The following MARK3 variants were observed in gnomAD, a reference collection of about 807,000 sequenced individuals.
MARK3 encodes the protein MAP/microtubule affinity-regulating kinase 3.
MARK3 carries 46 observed loss-of-function variants against 90.1 expected under a neutral mutation model. That is an observed-to-expected ratio of 0.51 (90% confidence interval 0.40 to 0.65). The LOEUF (loss-of-function observed/expected upper bound fraction) is 0.65, where lower values mean the gene tolerates loss of function less well. Ranked by LOEUF, MARK3 falls within the 30% of genes least tolerant of loss-of-function variation. The pLI is 0.00. For synonymous variants in MARK3, 321 were observed against 332.6 expected (o/e 0.97, Z 0.38); for missense variants, 818 against 947.2 (o/e 0.86, Z 1.79).
intron 3 of MARK3, among the ~76,000 whole-genome samples, chr14:103,445,860 A>G (rs1278065857): frequency 2.0e-5 from 3 of 152,140 alleles, no homozygotes; most frequent in Admixed American, 2.0e-4. Flanking sequence ...AACTGTGACA[A>G]CTCTGTAACA....
intron 12 of MARK3, among the ~76,000 whole-genome samples, 164 bp downstream of exon 12, chr14:103,468,350 A>T: frequency 2.8e-5 from 3 of 106,144 alleles, no homozygotes; most frequent in Admixed American, 1.4e-4. Flanking sequence ...TTTGAGACAG[A>T]GTCTCACTCT....
chr14:103,467,365 C>T (rs1392266247), intron 11 of MARK3, 174 bp downstream of exon 11: 2 of 415,478 alleles, frequency 4.8e-6, no homozygotes, highest in Non-Finnish European at 8.7e-6. Context: ...TTTAACTTAA[C>T]CCTTAATGAT....
At chr14:103,476,944 A>G (rs1378816082) in intron 13 of MARK3, among the ~76,000 whole-genome samples, 1 of 152,228 alleles carries the variant, frequency 6.6e-6, no homozygotes. Flanking sequence ...GACAGTTACC[A>G]GAGAAGATGA....
At chr14:103,400,302 A>G (rs2090874988) in intron 1 of MARK3, among the ~76,000 whole-genome samples, 1 of 152,112 alleles carries the variant, frequency 6.6e-6, no homozygotes, top group South Asian at 2.1e-4. Flanking sequence ...GACTTTAACT[A>G]ATGAGAACTG....
At chr14:103,498,610 G>T (rs1195311636) in intron 16 of MARK3, 82 bp downstream of exon 16, 18 of 1,253,598 alleles carry the variant, frequency 1.4e-5, no homozygotes, top group Non-Finnish European at 1.8e-5. Flanking sequence ...TGGCTTTCTG[G>T]CCCTGTTTTT....
intron 13 of MARK3, among the ~76,000 whole-genome samples, chr14:103,479,628 CTTTTTTTTTTT>C (rs34768749): frequency 1.3e-5 from 1 of 78,238 alleles, no homozygotes; most frequent in African/African-American, 5.3e-5. Flanking sequence ...ATACGTATAG[CTTTTTTTTTTT>C]TTTTTTTTTT....
chr14:103,409,441 A>G (rs2091502513), intron 2 of MARK3, among the ~76,000 whole-genome samples: 3 of 34,998 alleles, frequency 8.6e-5, no homozygotes, highest in Admixed American at 3.5e-4. Context: ...AAAGTAAAAA[A>G]AAAAAAAAAA....
chr14:103,460,016 T>A (rs531682294), intron 6 of MARK3, among the ~76,000 whole-genome samples: 89 of 150,498 alleles, frequency 5.9e-4, no homozygotes, highest in African/African-American at 2.1e-3. Context: ...TATGACATTT[T>A]AATTTTTTGG....
At chr14:103,485,207 G>C (rs1201965691) in intron 14 of MARK3, among the ~76,000 whole-genome samples, 12 of 144,906 alleles carry the variant, frequency 8.3e-5, no homozygotes, top group African/African-American at 3.0e-4. Flanking sequence ...TCCAGCCTGG[G>C]CAACAAGAGC....
intron 5 of MARK3, among the ~76,000 whole-genome samples, chr14:103,454,250 GTTTT>G (rs146508583): frequency 6.9e-6 from 1 of 145,390 alleles, no homozygotes; most frequent in Admixed American, 6.9e-5. Flanking sequence ...ATTACCTTGG[GTTTT>G]TTTTTTTTTC....
At chr14:103,485,307 G>C (rs541994988) in intron 14 of MARK3, among the ~76,000 whole-genome samples, 6 of 143,756 alleles carry the variant, frequency 4.2e-5, no homozygotes, top group Non-Finnish European at 7.5e-5. Flanking sequence ...GTGTGGCCCA[G>C]GCTGCAGTAC....
chr14:103,483,868 G>A (rs1400565964), intron 14 of MARK3, among the ~76,000 whole-genome samples: 1 of 152,210 alleles, frequency 6.6e-6, no homozygotes, highest in Non-Finnish European at 1.5e-5. Context: ...GTATAGGTTT[G>A]CAGTGAGTCT....
At chr14:103,428,494 C>A in intron 3 of MARK3, 54 bp downstream of exon 3, 1 of 1,030,870 alleles carries the variant, frequency 9.7e-7, no homozygotes, top group Non-Finnish European at 1.4e-6. Flanking sequence ...TGCTAATTGC[C>A]ATCTAATTTG....
chr14:103,447,248 A>G (rs747737713), intron 3 of MARK3, among the ~76,000 whole-genome samples: 4 of 152,176 alleles, frequency 2.6e-5, no homozygotes, highest in Non-Finnish European at 5.9e-5. Context: ...ACAGTGAACT[A>G]TGATCACACC....
At chr14:103,439,981 C>T (rs931662853) in intron 3 of MARK3, among the ~76,000 whole-genome samples, 1 of 152,038 alleles carries the variant, frequency 6.6e-6, no homozygotes, top group African/African-American at 2.4e-5. Flanking sequence ...GACGGGTTTT[C>T]ACCACGTTGG....
At chr14:103,429,232 A>C (rs1370137945) in intron 3 of MARK3, 1 of 152,228 alleles carries the variant, frequency 6.6e-6, no homozygotes, top group East Asian at 1.9e-4. Flanking sequence ...AGAGACCATG[A>C]AGTAGGAACA....
At chr14:103,407,283 A>G (rs1008222754) in intron 2 of MARK3, among the ~76,000 whole-genome samples, 1 of 152,236 alleles carries the variant, frequency 6.6e-6, no homozygotes, top group African/African-American at 2.4e-5. Flanking sequence ...AACTTCAGGT[A>G]TACACTTATG....
intron 1 of MARK3, among the ~76,000 whole-genome samples, chr14:103,394,994 G>T (rs1566760284): frequency 6.6e-6 from 1 of 152,140 alleles, no homozygotes; most frequent in African/African-American, 2.4e-5. Flanking sequence ...TGGCCAGGCT[G>T]GTCTTGAACT....
At chr14:103,424,117 C>T (rs953474679) in intron 2 of MARK3, among the ~76,000 whole-genome samples, 4 of 151,498 alleles carry the variant, frequency 2.6e-5, no homozygotes, top group East Asian at 1.9e-4. Flanking sequence ...GGCCAAGGCA[C>T]GAGAATTGCT....
Sources: gnomAD v4.1 joint callset for allele counts (sites outside exome capture counted in the v4.1 genomes callset) on GRCh38, gnomAD v4.1.1 for gene constraint, MANE v1.5 for transcripts, NCBI Gene and HGNC (gene_info 2026-07-23, HGNC 2026-07-21) for gene names.